CMIP: variants seen among roughly 807,000 people sequenced by gnomAD.
CMIP encodes the protein C-Maf-inducing protein.
CMIP carries 13 observed loss-of-function variants against 97.3 expected under a neutral mutation model. That is an observed-to-expected ratio of 0.13 (90% CI 0.09 to 0.21). The LOEUF (loss-of-function observed/expected upper bound fraction) is 0.21, where lower values mean the gene tolerates loss of function less well. Ranked by LOEUF, CMIP falls within the 10% of genes least tolerant of loss-of-function variation. The pLI is 1.00. For missense variants in CMIP, 847 were observed against 1,024.9 expected (o/e 0.83, Z 2.37); for synonymous variants, 538 against 436.3 (o/e 1.23, Z -2.91).
chr16:81,540,429 A>T (rs753410175), intron 1 of CMIP, among the ~76,000 whole-genome samples: 4 of 152,054 alleles, frequency 2.6e-5, no homozygotes, highest in African/African-American at 7.2e-5. Context: ...CAGCCTCCCG[A>T]GTAGCTGAGA....
chr16:81,476,483 T>C (rs1337190352), intron 1 of CMIP: 4 of 747,936 alleles, frequency 5.3e-6, no homozygotes, highest in Admixed American at 3.6e-5. Context: ...GGCTCGCCGT[T>C]GACAGCGATG....
chr16:81,598,968 CAAAAAAAAAAA>C (rs141717317), intron 1 of CMIP, among the ~76,000 whole-genome samples: 3 of 49,874 alleles, frequency 6.0e-5, no homozygotes, highest in African/African-American at 8.0e-5. Flanking sequence ...GACTCTGTCT[CAAAAAAAAAAA>C]AAAAAAAAAA....
At chr16:81,542,787 C>G (rs975473599) in intron 1 of CMIP, among the ~76,000 whole-genome samples, 1 of 152,184 alleles carries the variant, frequency 6.6e-6, no homozygotes, top group Admixed American at 6.5e-5. Context: ...TCATGACCTC[C>G]TCAAACCCTA....
At chr16:81,508,374 A>T (rs543557722) in intron 1 of CMIP, among the ~76,000 whole-genome samples, 1 of 152,312 alleles carries the variant, frequency 6.6e-6, no homozygotes, top group African/African-American at 2.4e-5. Context: ...CGAATGATAG[A>T]ATCCTGTGCA....
chr16:81,658,871 G>A (rs1460391821), intron 5 of CMIP, among the ~76,000 whole-genome samples: 2 of 152,212 alleles, frequency 1.3e-5, no homozygotes, highest in African/African-American at 2.4e-5. Context: ...TCCTCTAGCC[G>A]AATCAGGGCC....
intron 1 of CMIP, among the ~76,000 whole-genome samples, chr16:81,551,468 A>G (rs11641025): frequency 0.82 from 124,854 of 152,188 alleles, 51,231 homozygotes; most frequent in East Asian, 0.89. Flanking sequence ...GAGAAGCAGA[A>G]AAATGAAAAA....
At position 81,562,933 on chromosome 16, in the gene CMIP, G is replaced by A. The variant is rs73596456; in HGVS notation, c.301-44634G>A. On this transcript the variant is annotated intron_variant, in intron 1 of 20. Transcript: ENST00000537098. ...GCCCTTGTCTGCTGGGATCTGCCGC[G>A]TCCTCGAGCTGAGTAGGATGCAGAA... Among the ~76,000 whole-genome samples, 1,177 of 152,304 alleles carry A rather than the reference G, an allele frequency of 7.7e-3. 21 individuals are homozygous for A. Among genetic ancestry groups the A allele is most frequent in the African/African-American group, 0.027 (1,125 of 41,554 alleles).
chr16:81,475,020 C>T (rs915789341), intron 1 of CMIP, among the ~76,000 whole-genome samples: 5 of 152,200 alleles, frequency 3.3e-5, no homozygotes, highest in Non-Finnish European at 7.3e-5. Flanking sequence ...TTAAGTGGCC[C>T]TCTTCACCGT....
chr16:81,502,328 C>T (rs1049360600), intron 1 of CMIP, among the ~76,000 whole-genome samples: 12 of 152,310 alleles, frequency 7.9e-5, no homozygotes, highest in South Asian at 6.2e-4. Context: ...TGATCAGTGA[C>T]GCTTCATTTC....
At chr16:81,610,934 G>T (rs2091821745) in intron 2 of CMIP, among the ~76,000 whole-genome samples, 1 of 152,008 alleles carries the variant, frequency 6.6e-6, no homozygotes, top group African/African-American at 2.4e-5. Flanking sequence ...TTGGCCCTGG[G>T]GACAGATCTT....
At chr16:81,484,601 T>C (rs2089286746) in intron 1 of CMIP, among the ~76,000 whole-genome samples, 2 of 151,880 alleles carry the variant, frequency 1.3e-5, no homozygotes, top group Admixed American at 6.5e-5. Context: ...AGTGGGGTCA[T>C]TGGGTAATCA....
Position 81,654,632 on chromosome 16 carries a change from G to A in CMIP, c.639+2268G>A, listed in dbSNP as rs187662301. On this transcript the variant is annotated intron_variant, in intron 4 of 20. Coordinates refer to ENST00000537098, the MANE Select transcript of CMIP (RefSeq NM_198390.3). Reference sequence around the variant, plus strand: ...GGCATCCACTCATGCATGCTCTGCAGTGGTCAGTTTGATGGCCCTTAGACC... The same window carrying A: ...GGCATCCACTCATGCATGCTCTGCAATGGTCAGTTTGATGGCCCTTAGACC... Among the ~76,000 whole-genome samples the A allele has an allele frequency of 1.1e-4, 17 of 152,326 alleles. No individual in the cohort carries two copies. The East Asian group carries it at 3.3e-3, about 29-fold the overall frequency.
At chr16:81,678,714 C>A in intron 10 of CMIP, 86 bp downstream of exon 10, 3 of 660,814 alleles carry the variant, frequency 4.5e-6, no homozygotes, top group South Asian at 3.6e-5. Context: ...TTTGTTGGTT[C>A]GAGCTACGCA....
chr16:81,662,232 G>C (rs549802471), intron 6 of CMIP, among the ~76,000 whole-genome samples: 5 of 152,178 alleles, frequency 3.3e-5, no homozygotes, highest in Non-Finnish European at 4.4e-5. Context: ...CTCAAGCTTA[G>C]GATTTCACCC....
chr16:81,500,272 G>GTCCGTCCGTCCTTCCTTCCTTCCT (rs1567546095), intron 1 of CMIP, among the ~76,000 whole-genome samples: 4 of 64,836 alleles, frequency 6.2e-5, no homozygotes, highest in Admixed American at 1.9e-4. Context: ...CCTTCCTTCC[G>GTCCGTCCGTCCTTCCTTCCTTCCT]TCCTTCCTTC....
At chr16:81,635,907 C>T (rs1025648181) in intron 3 of CMIP, among the ~76,000 whole-genome samples, 6 of 151,106 alleles carry the variant, frequency 4.0e-5, no homozygotes, top group East Asian at 3.9e-4. Flanking sequence ...TTGTGGACCC[C>T]GATATATAAC....
chr16:81,444,831 G>GACACACGCTCTGT lies in CMIP; in HGVS notation c.-402_-390dup, dbSNP rs1905719095. Among the ~76,000 whole-genome samples the GACACACGCTCTGT allele has an allele frequency of 6.9e-6, 1 of 144,708 alleles. No homozygotes were observed. Among genetic ancestry groups the GACACACGCTCTGT allele is most frequent in the South Asian group, 2.1e-4 (1 of 4,766 alleles). 94.9% of individuals were successfully genotyped at this position (144,708 alleles called of 152,430 possible). On this transcript the variant is annotated 5_prime_UTR_variant, in exon 1 of 21. Transcript: ENST00000537098. ...CCACTCTCGCCCGGACGGCCGCGCGGACACACGCTCTGTACACACGCGCGC... is the reference window on the plus strand; with the variant it reads ...CCACTCTCGCCCGGACGGCCGCGCGGACACACGCTCTGTACACACGCTCTGTACACACGCGCGC...
chr16:81,637,254 G>C (rs1333368741), intron 3 of CMIP, among the ~76,000 whole-genome samples: 1 of 152,022 alleles, frequency 6.6e-6, no homozygotes, highest in Non-Finnish European at 1.5e-5. Flanking sequence ...TGTATTTTTA[G>C]TAGAGACGGG....
intron 3 of CMIP, among the ~76,000 whole-genome samples, chr16:81,628,303 ATC>A (rs1163572564): frequency 3.3e-5 from 5 of 151,910 alleles, no homozygotes; most frequent in African/African-American, 1.2e-4. Flanking sequence ...CAGGCTGCAA[ATC>A]CCTTCCCAAG....
Sources: gnomAD v4.1 joint callset for allele counts (sites outside exome capture counted in the v4.1 genomes callset) on GRCh38, gnomAD v4.1.1 for gene constraint, MANE v1.5 for transcripts, NCBI Gene and HGNC (gene_info 2026-07-23, HGNC 2026-07-21) for gene names.